The following GATA5 variants were observed in gnomAD, a reference collection of about 807,000 sequenced individuals.
GATA5 encodes the protein GATA binding protein 5.
Under a neutral mutation model 35.0 loss-of-function variants are expected in GATA5, and 27 were observed. The observed-to-expected ratio is 0.77, with a 90% confidence interval of 0.57 to 1.06. GATA5 has a LOEUF of 1.06. GATA5 is among the 50% of genes least tolerant of loss of function. The pLI, the probability that GATA5 is intolerant of heterozygous loss-of-function variation, is 0.00. For missense variants in GATA5, 612 were observed against 580.0 expected (o/e 1.06, Z -0.57); for synonymous variants, 306 against 267.8 (o/e 1.14, Z -1.39).
chr20:62,471,031 C>T (rs189950305), intron 3 of GATA5, among the ~76,000 whole-genome samples: 110 of 152,284 alleles, frequency 7.2e-4, no homozygotes, highest in Admixed American at 2.0e-3. Context: ...AAGGTGTGGA[C>T]GGTTCCAAGT....
At position 62,472,688 on chromosome 20, in the gene GATA5, T is replaced by C. The variant is rs149946265; in HGVS notation, c.699+715A>G. 2.6e-3 allele frequency among the ~76,000 whole-genome samples: 399 copies of C among 152,314 alleles called. 1 individual carries two copies. The highest frequency in any genetic ancestry group is 4.4e-3 in the Non-Finnish European group (301 of 68,022). ...GTAAAGGTTTGCCTGGGGAAACGTA[T>C]AGAACAAAGCAACTTTCAGCCTCTT... On this transcript the variant is annotated intron_variant, in intron 3 of 6. Coordinates refer to ENST00000252997, the MANE Select transcript of GATA5 (RefSeq NM_080473.5).
At chr20:62,474,949 C>A in intron 2 of GATA5, 50 bp downstream of exon 2, 1 of 1,263,544 alleles carries the variant, frequency 7.9e-7, no homozygotes, top group Non-Finnish European at 1.0e-6. Flanking sequence ...GGGTTTGCAC[C>A]CGGATTCGGC....
chr20:62,474,570 C>CA (rs1268574009), intron 2 of GATA5, among the ~76,000 whole-genome samples: 1 of 152,194 alleles, frequency 6.6e-6, no homozygotes, highest in Admixed American at 6.5e-5. Context: ...TCCGATTCTC[C>CA]AAACTGATAC....
chr20:62,473,991 A>G (rs1989787689), intron 2 of GATA5, among the ~76,000 whole-genome samples: 1 of 148,868 alleles, frequency 6.7e-6, no homozygotes, highest in African/African-American at 2.5e-5. Flanking sequence ...AAGGGGCTTT[A>G]TCTGGCAGAC....
intron 3 of GATA5, among the ~76,000 whole-genome samples, chr20:62,467,064 T>C (rs1490154063): frequency 6.6e-6 from 1 of 152,192 alleles, no homozygotes; most frequent in Non-Finnish European, 1.5e-5. Context: ...TCCCCATTGC[T>C]GTGCACTGCG....
chr20:62,469,397 G>C (rs1555896360), intron 3 of GATA5, among the ~76,000 whole-genome samples: 1 of 152,202 alleles, frequency 6.6e-6, no homozygotes, highest in Non-Finnish European at 1.5e-5. Flanking sequence ...ATGGCCCAAG[G>C]CCCATCCTCT....
intron 3 of GATA5, among the ~76,000 whole-genome samples, chr20:62,471,510 C>G (rs139052381): frequency 8.0e-6 from 1 of 125,008 alleles, no homozygotes; most frequent in Admixed American, 9.2e-5. Context: ...CGGCTCATTG[C>G]AGCCTCAGCC....
chr20:62,475,412 G>A lies in GATA5; in HGVS notation c.110C>T (p.Ala37Val). 2.2e-6 allele frequency: 3 copies of A among 1,356,768 alleles called. No individual in the cohort carries two copies. Among genetic ancestry groups the A allele is most frequent in the South Asian group, 1.9e-5 (1 of 53,874 alleles). 84.0% of individuals were successfully genotyped at this position (1,356,768 alleles called of 1,614,324 possible). A position where few individuals can be genotyped will look rare whatever the true frequency, so the allele number is the denominator to read the frequency against. Residue 37 changes from alanine to valine, a missense_variant, in exon 2 of 7, where the codon GCG (alanine) becomes GTG (valine). By Grantham distance (64) the Ala-to-Val change is moderately conservative. Coordinates refer to ENST00000252997, the MANE Select transcript of GATA5 (RefSeq NM_080473.5). ...GAGSPMFVPP[A>V]RVPSMLSYLS... is the part of the protein sequence containing the mutation. ...GTAGGACAGCATCGAGGGGACGCGCGCCGGCGGCACAAACATCGGAGAGCC... is the reference window on the plus strand; with the variant it reads ...GTAGGACAGCATCGAGGGGACGCGCACCGGCGGCACAAACATCGGAGAGCC...
At position 62,466,522 on chromosome 20, in the gene GATA5, G is replaced by A; in HGVS notation, c.729C>T (p.Cys243=). The A allele has an allele frequency of 6.4e-7, 1 of 1,560,862 alleles. No individual in the cohort carries two copies. The highest frequency in any genetic ancestry group is 8.7e-7 in the Non-Finnish European group (1 of 1,152,666). Residue 243 remains cysteine, a synonymous_variant, in exon 4 of 7, where the codon TGC becomes TGT. Transcript: ENST00000252997. ...LSSSRRAGLC[C]TNCHTTNTTL... is the part of the protein sequence containing the mutation. ...TGGTGTTGGTCGTGTGGCAGTTGGT[G>A]CAGCAGAGGCCGGCGCGGCGGGACG... is the stretch of plus-strand genomic sequence containing the variant.
intron 3 of GATA5, among the ~76,000 whole-genome samples, chr20:62,468,498 C>T (rs2146483426): frequency 6.6e-6 from 1 of 152,374 alleles, no homozygotes; most frequent in African/African-American, 2.4e-5. Flanking sequence ...AAGGCCCCCT[C>T]AACCCCCAGC....
chr20:62,475,478 G>A lies in GATA5; in HGVS notation c.44C>T (p.Ala15Val). 7.5e-7 allele frequency: 1 copy of A among 1,329,372 alleles called. No individual in the cohort carries two copies. The highest frequency in any genetic ancestry group is 1.5e-5 in the African/African-American group (1 of 65,998). 82.3% of individuals were successfully genotyped at this position (1,329,372 alleles called of 1,614,324 possible). Residue 15 changes from alanine to valine, a missense_variant, in exon 2 of 7, where the codon GCC (alanine) becomes GTC (valine). By Grantham distance (64) the Ala-to-Val change is moderately conservative (BLOSUM62 0). Transcript: ENST00000252997. ...LALAASPRQAAYADSGSFLHA... is the reference protein window; with the variant it reads ...LALAASPRQAVYADSGSFLHA... ...CAGGAAGGAGCCCGAGTCGGCGTAG[G>A]CGGCCTGGCGGGGGCTCGCGGCCAG...
At chr20:62,474,199 A>T (rs1347995058) in intron 2 of GATA5, among the ~76,000 whole-genome samples, 8 of 152,156 alleles carry the variant, frequency 5.3e-5, no homozygotes, top group African/African-American at 1.9e-4. Context: ...GGCTTCGCAC[A>T]CTGTGCGGCT....
intron 3 of GATA5, among the ~76,000 whole-genome samples, chr20:62,466,895 G>A (rs1412832431): frequency 2.0e-5 from 3 of 152,212 alleles, no homozygotes; most frequent in Admixed American, 2.0e-4. Context: ...CCTGGACCCC[G>A]CGGTTCTGCA....
chr20:62,466,370 G>A (rs1989587282), intron 4 of GATA5, 56 bp downstream of exon 4: 10 of 1,513,446 alleles, frequency 6.6e-6, no homozygotes, highest in South Asian at 2.5e-5. Flanking sequence ...TGCGGACGGC[G>A]CTCGCTAGGA....
At position 62,475,354 on chromosome 20, in the gene GATA5, G is replaced by T; in HGVS notation, c.168C>A (p.Pro56=). ...CCCAGCCGGGGCGCGCAGCGAGCTC[G>T]GGGGGCTGCGGGCTCGGCTCACACC... is the stretch of plus-strand genomic sequence containing the variant. The part of the protein sequence containing the change: ...LSGCEPSPQP[P]ELAARPGWAQ... The change falls in exon 2 of 7, where the codon CCC becomes CCA. Residue 56 remains proline (P), a synonymous_variant. Transcript: ENST00000252997. 1 of 1,259,058 alleles carries T rather than the reference G, an allele frequency of 7.9e-7. No individual in the cohort carries two copies. The highest frequency in any genetic ancestry group is 3.1e-5 in the East Asian group (1 of 31,784). 78.0% of individuals were successfully genotyped at this position (1,259,058 alleles called of 1,614,324 possible).
chr20:62,475,199 G>T lies in GATA5; in HGVS notation c.323C>A (p.Ala108Glu), dbSNP rs1372855914. 1.6e-6 allele frequency: 2 copies of T among 1,258,264 alleles called. No individual in the cohort carries two copies. The highest frequency in any genetic ancestry group is 1.5e-5 in the African/African-American group (1 of 64,562). The allele number at this position is 1,258,264 out of a possible 1,614,324, so 77.9% of individuals were successfully genotyped here. A position where few individuals can be genotyped will look rare whatever the true frequency, so the allele number is the denominator to read the frequency against. Reference protein sequence around the residue: ...SPSGPGSGGSAGGRDGSAYQG... With the variant: ...SPSGPGSGGSEGGRDGSAYQG... ...GTAGGCACTGCCGTCTCGGCCCCCC[G>T]CGCTGCCGCCGCTGCCGGGCCCCGA... The change falls in exon 2 of 7, where the codon GCG becomes GAG. Residue 108 changes from alanine (A) to glutamate (E), a missense_variant. Physicochemically the swap from Ala to Glu is moderately radical, Grantham distance 107. Transcript: ENST00000252997.
At chr20:62,473,626 T>TC in intron 2 of GATA5, 48 bp from the exon 3 acceptor site, 1 of 1,534,534 alleles carries the variant, frequency 6.5e-7, no homozygotes, top group South Asian at 1.2e-5. Flanking sequence ...CTCCCCAGGA[T>TC]CCTCCCCAGC....
chr20:62,469,955 C>G (rs782064752), intron 3 of GATA5, among the ~76,000 whole-genome samples: 1 of 152,222 alleles, frequency 6.6e-6, no homozygotes, highest in African/African-American at 2.4e-5. Flanking sequence ...CATACCGCGA[C>G]GATGCCTTCA....
chr20:62,471,776 TG>T (rs1431378393), intron 3 of GATA5, among the ~76,000 whole-genome samples: 5 of 152,048 alleles, frequency 3.3e-5, no homozygotes, highest in African/African-American at 1.2e-4. Flanking sequence ...TTGCCCAGGC[TG>T]GAGTGCCTTG....
Sources: gnomAD v4.1 joint callset for allele counts (sites outside exome capture counted in the v4.1 genomes callset) on GRCh38, gnomAD v4.1.1 for gene constraint, MANE v1.5 for transcripts, NCBI Gene and HGNC (gene_info 2026-07-23, HGNC 2026-07-21) for gene names.